The following ANKS1B variants were observed in gnomAD, a reference collection of about 807,000 sequenced individuals.
ANKS1B encodes ankyrin repeat and sterile alpha motif domain-containing protein 1B.
A neutral mutation model predicts 148.3 loss-of-function variants in ANKS1B; 36 were observed. The observed-to-expected ratio is 0.24, with a 90% CI of 0.19 to 0.32. ANKS1B has a LOEUF of 0.32. Ranked by LOEUF, ANKS1B falls within the 10% of genes least tolerant of loss-of-function variation. ANKS1B has a pLI of 1.00. For missense variants in ANKS1B, 1,157 were observed against 1,542.6 expected, an observed-to-expected ratio of 0.75 and a Z score of 4.19; for synonymous variants, 542 against 560.8, an observed-to-expected ratio of 0.97 and a Z score of 0.47.
intron 16 of ANKS1B, among the ~76,000 whole-genome samples, chr12:99,059,804 T>C (rs866005122): frequency 6.8e-6 from 1 of 146,722 alleles, no homozygotes; most frequent in Non-Finnish European, 1.5e-5. Flanking sequence ...TATATATATA[T>C]ATGATAGGAC....
intron 8 of ANKS1B, among the ~76,000 whole-genome samples, chr12:99,721,995 T>G (rs1163142995): frequency 2.0e-5 from 3 of 152,218 alleles, no homozygotes; most frequent in Non-Finnish European, 2.9e-5. Context: ...TTAAGCCAAA[T>G]GCTAATCCAG....
At chr12:99,455,539 T>C (rs2095834189) in intron 10 of ANKS1B, among the ~76,000 whole-genome samples, 1 of 152,198 alleles carries the variant, frequency 6.6e-6, no homozygotes, top group Non-Finnish European at 1.5e-5. Flanking sequence ...GTCCTGCTCA[T>C]AGGCTGCCTG....
chr12:99,326,274 GT>G (rs1397977832), intron 12 of ANKS1B, among the ~76,000 whole-genome samples: 1 of 152,028 alleles, frequency 6.6e-6, no homozygotes, highest in East Asian at 1.9e-4. Context: ...CATTTTCCTT[GT>G]TGACTTTCTG....
chr12:99,601,406 A>G (rs1355783694), intron 9 of ANKS1B, among the ~76,000 whole-genome samples: 4 of 152,104 alleles, frequency 2.6e-5, no homozygotes, highest in Admixed American at 1.3e-4. Flanking sequence ...TGCCTGGAAA[A>G]AAACAGATGA....
chr12:98,874,125 A>G (rs933076639), intron 17 of ANKS1B, among the ~76,000 whole-genome samples: 6 of 152,218 alleles, frequency 3.9e-5, no homozygotes, highest in African/African-American at 1.4e-4. Context: ...AATCAATAGG[A>G]AGCCAAATAT....
chr12:99,735,807 CAAA>C (rs376398944), intron 8 of ANKS1B, among the ~76,000 whole-genome samples: 3 of 108,914 alleles, frequency 2.8e-5, no homozygotes. Flanking sequence ...GGACATATAC[CAAA>C]AAAAAAAAAA....
intron 15 of ANKS1B, among the ~76,000 whole-genome samples, chr12:99,106,642 C>T (rs912273692): frequency 4.6e-5 from 7 of 152,100 alleles, no homozygotes; most frequent in African/African-American, 1.7e-4. Context: ...TACAAGCATA[C>T]AAAGTGTAAT....
At position 99,984,089 on chromosome 12, in the gene ANKS1B, G is replaced by A. The variant is rs941470027; in HGVS notation, c.134+15C>T. The A allele has an allele frequency of 6.2e-6, 10 of 1,605,632 alleles. No homozygotes were observed. In the Admixed American group the frequency reaches 8.4e-5, roughly 14 times the overall value. Reference sequence around the variant, plus strand: ...AATGAGGTGTGCCAACCCCGGAGCTGGTGCCCGTCCTTACCTTAGCAGATT... The same window carrying A: ...AATGAGGTGTGCCAACCCCGGAGCTAGTGCCCGTCCTTACCTTAGCAGATT... On this transcript the variant is annotated intron_variant, in intron 1 of 26. Transcript: ENST00000683438.
chr12:99,869,681 CAA>C (rs34916090), intron 1 of ANKS1B, among the ~76,000 whole-genome samples: 7 of 123,488 alleles, frequency 5.7e-5, no homozygotes, highest in Admixed American at 8.1e-5. Context: ...AACTTTGTCT[CAA>C]AAAAAAAAAA....
chr12:99,782,694 C>T (rs2064487090), intron 4 of ANKS1B, among the ~76,000 whole-genome samples: 1 of 152,190 alleles, frequency 6.6e-6, no homozygotes. Flanking sequence ...GCAAGAAGCT[C>T]ATTTAATCAG....
At chr12:99,280,158 G>C (rs1251708740) in intron 12 of ANKS1B, among the ~76,000 whole-genome samples, 1 of 148,158 alleles carries the variant, frequency 6.7e-6, no homozygotes, top group East Asian at 1.9e-4. Flanking sequence ...AATAGAGTCT[G>C]TGTGTGTGTG....
chr12:99,507,389 C>T (rs1854657271), intron 9 of ANKS1B, among the ~76,000 whole-genome samples: 1 of 151,728 alleles, frequency 6.6e-6, no homozygotes. Context: ...TTGCTTTCTT[C>T]CTTAAAAATG....
rs548506802 is a variant in ANKS1B at position 99,286,411 on chromosome 12, A to G, written c.1757-39547T>C. ...GAATGAACATGAGCAATACCCAGGCAGTACTTGTCATAGGCCTTGGGTAAG... is the reference window on the plus strand; with the variant it reads ...GAATGAACATGAGCAATACCCAGGCGGTACTTGTCATAGGCCTTGGGTAAG... On this transcript the variant is annotated intron_variant, in intron 12 of 26. Transcript: ENST00000683438. Among the ~76,000 whole-genome samples, 3 of 152,210 alleles carry G rather than the reference A, an allele frequency of 2.0e-5. No individual in the cohort carries two copies. The East Asian group carries it at 5.9e-4, about 30-fold the overall frequency.
intron 9 of ANKS1B, among the ~76,000 whole-genome samples, chr12:99,505,330 T>G (rs2096699183): frequency 6.6e-6 from 1 of 151,994 alleles, no homozygotes; most frequent in African/African-American, 2.4e-5. Context: ...ATAATAACAT[T>G]CTTACAGTTT....
chr12:99,706,282 A>C (rs2055758880), intron 8 of ANKS1B: 1 of 152,014 alleles, frequency 6.6e-6, no homozygotes, highest in Admixed American at 6.6e-5. Context: ...AACTAGATAA[A>C]AGAGATGAAG....
chr12:98,807,743 T>C (rs2153614324), intron 20 of ANKS1B, 101 bp downstream of exon 20: 1 of 870,046 alleles, frequency 1.1e-6, no homozygotes, highest in East Asian at 2.8e-5. Context: ...TTACAAATTT[T>C]CTGCATTGCC....
chr12:99,330,251 T>A (rs771846405), intron 12 of ANKS1B, among the ~76,000 whole-genome samples: 8 of 152,058 alleles, frequency 5.3e-5, no homozygotes, highest in Non-Finnish European at 8.8e-5. Context: ...GAGCCCATTG[T>A]TCTTGAAAGA....
At chr12:99,752,437 G>C (rs1268864914) in intron 8 of ANKS1B, among the ~76,000 whole-genome samples, 1 of 150,418 alleles carries the variant, frequency 6.6e-6, no homozygotes, top group Non-Finnish European at 1.5e-5. Flanking sequence ...CGTTTTTTTT[G>C]TCTGCCATAA....
chr12:98,861,507 T>C (rs2152169287), intron 17 of ANKS1B, among the ~76,000 whole-genome samples: 1 of 152,320 alleles, frequency 6.6e-6, no homozygotes, highest in Non-Finnish European at 1.5e-5. Flanking sequence ...CTAGCTTCGC[T>C]CAGCAAATGA....
Sources: allele counts gnomAD v4.1 joint callset (sites outside exome capture counted in the v4.1 genomes callset), GRCh38; gene constraint gnomAD v4.1.1; transcripts MANE v1.5; gene names NCBI Gene and HGNC (gene_info 2026-07-23, HGNC 2026-07-21).